The following SERAC1 variants were observed in gnomAD, a reference collection of about 807,000 sequenced individuals.
The protein encoded by SERAC1 is protein SERAC1.
SERAC1 carries 36 observed loss-of-function variants against 85.7 expected under a neutral mutation model. The ratio of observed to expected loss-of-function variants is 0.42; its 90% confidence interval spans 0.32 to 0.55. The LOEUF is 0.55. Ranked by LOEUF, SERAC1 falls within the 20% of genes least tolerant of loss-of-function variation. The pLI is 0.11. For missense variants in SERAC1, 629 were observed against 796.2 expected, an observed-to-expected ratio of 0.79 and a Z score of 2.53; for synonymous variants, 242 against 265.3, an observed-to-expected ratio of 0.91 and a Z score of 0.85.
chr6:158,160,034 T>C (rs1034020223), intron 1 of SERAC1, among the ~76,000 whole-genome samples: 2 of 152,214 alleles, frequency 1.3e-5, no homozygotes, highest in African/African-American at 4.8e-5. Flanking sequence ...GCAGAATATA[T>C]CCATTATACT....
intron 10 of SERAC1, among the ~76,000 whole-genome samples, chr6:158,124,244 A>G (rs1007919762): frequency 4.6e-5 from 7 of 152,210 alleles, no homozygotes; most frequent in Admixed American, 3.3e-4. Context: ...AGATAGGTCA[A>G]TAGAAACCAT....
In SERAC1 at chr6:158,136,847, A is replaced by C. The variant is rs562317043; in HGVS notation, c.738+6209T>G. Among the ~76,000 whole-genome samples the C allele has an allele frequency of 2.0e-5, 3 of 152,348 alleles. No individual in the cohort carries two copies. In the South Asian group the frequency reaches 6.2e-4, roughly 32 times the overall value. On this transcript the variant is annotated intron_variant, in intron 8 of 16. Coordinates refer to ENST00000647468, the MANE Select transcript of SERAC1 (RefSeq NM_032861.4). ...CCAGGAGGCATGATAAACTTGAGGC[A>C]GAGTAGGGGGAATAAGAATAACTAA...
intron 9 of SERAC1, 47 bp from the exon 10 acceptor site, chr6:158,128,317 A>G: frequency 6.3e-7 from 1 of 1,585,466 alleles, no homozygotes; most frequent in Non-Finnish European, 8.6e-7. Flanking sequence ...GTACAAATTC[A>G]TGACGTGAGA....
chr6:158,135,033 T>G (rs1311522581), intron 8 of SERAC1, among the ~76,000 whole-genome samples: 1 of 151,994 alleles, frequency 6.6e-6, no homozygotes, highest in African/African-American at 2.4e-5. Context: ...AAATGCACAC[T>G]CAAATTTAAT....
At chr6:158,136,459 C>T (rs1269107703) in intron 8 of SERAC1, among the ~76,000 whole-genome samples, 1 of 152,166 alleles carries the variant, frequency 6.6e-6, no homozygotes, top group East Asian at 1.9e-4. Context: ...TATGCTGGGG[C>T]TGACAGTCGC....
chr6:158,143,746 T>C (rs572521704), intron 7 of SERAC1, among the ~76,000 whole-genome samples: 1 of 152,274 alleles, frequency 6.6e-6, no homozygotes, highest in South Asian at 2.1e-4. Flanking sequence ...AAGAGTTTCA[T>C]TTTCTAGTCT....
rs1193811319 is a variant in SERAC1, at chr6:158,110,107, T to A, written c.*1259A>T. 6.6e-6 allele frequency: 1 copy of A among 152,188 alleles called. No individual in the cohort carries two copies. Among genetic ancestry groups the A allele is most frequent in the Admixed American group, 6.5e-5 (1 of 15,276 alleles). The allele number at this position is 152,188 out of a possible 1,614,324, so 9.4% of individuals were successfully genotyped here. On this transcript the variant is annotated 3_prime_UTR_variant, in exon 17 of 17. Coordinates refer to ENST00000647468, the MANE Select transcript of SERAC1 (RefSeq NM_032861.4). ...TGAACTATACTAAAAACCAATGAAT[T>A]GAGCCTGGGAACAATGGCTCTGGCC...
At chr6:158,147,041 G>C (rs1418351605) in intron 5 of SERAC1, 128 bp from the exon 6 acceptor site, 1 of 847,772 alleles carries the variant, frequency 1.2e-6, no homozygotes, top group African/African-American at 1.7e-5. Context: ...TATAGGTATT[G>C]ATAAAAACTA....
In SERAC1 at chr6:158,120,809, G is replaced by T. The variant is rs1331682613; in HGVS notation, c.1016-234C>A. On this transcript the variant is annotated intron_variant, in intron 10 of 16. Transcript: ENST00000647468. The surrounding 1 kb of genome is among the most constrained non-coding windows in gnomAD (Gnocchi z 4.4). ...CAAAGAAGGAAAGAGGGGTTGAAGA[G>T]CCATTTTCTTTATTTAGAAAGCCTA... Among the ~76,000 whole-genome samples, 1 of 152,118 alleles carries T rather than the reference G, an allele frequency of 6.6e-6. No homozygotes were observed. Among genetic ancestry groups the T allele is most frequent in the Non-Finnish European group, 1.5e-5 (1 of 68,018 alleles).
At chr6:158,143,454 C>T (rs2128420134) in intron 7 of SERAC1, among the ~76,000 whole-genome samples, 1 of 151,636 alleles carries the variant, frequency 6.6e-6, no homozygotes, top group East Asian at 1.9e-4. Flanking sequence ...GTCTTGAAAA[C>T]AGTCACCCAC....
intron 8 of SERAC1, among the ~76,000 whole-genome samples, chr6:158,141,471 A>G (rs1245891164): frequency 6.6e-6 from 1 of 152,232 alleles, no homozygotes; most frequent in Non-Finnish European, 1.5e-5. Context: ...TGGAAATATC[A>G]CCATAAATTT....
At chr6:158,123,674 G>T (rs956928045) in intron 10 of SERAC1, among the ~76,000 whole-genome samples, 1 of 152,218 alleles carries the variant, frequency 6.6e-6, no homozygotes, top group Admixed American at 6.5e-5. Flanking sequence ...CCACAGAGTA[G>T]TAAGCAGGCA....
At chr6:158,154,678 C>T (rs1422496113) in intron 3 of SERAC1, among the ~76,000 whole-genome samples, 1 of 152,180 alleles carries the variant, frequency 6.6e-6, no homozygotes, top group Non-Finnish European at 1.5e-5. Flanking sequence ...AGATAGGAGA[C>T]GTCCATCTGT....
chr6:158,140,922 G>A (rs1398997899), intron 8 of SERAC1, among the ~76,000 whole-genome samples: 2 of 152,166 alleles, frequency 1.3e-5, no homozygotes, highest in Non-Finnish European at 2.9e-5. Context: ...ATCTTGTACA[G>A]TACAGTTTTT....
chr6:158,111,215 G>A lies in SERAC1; in HGVS notation c.*151C>T, dbSNP rs977303405. Reference sequence around the variant, plus strand: ...GTTGGTGCTTTACAGCGCTTGAAGGGAGAACAATGTTCTGTAGTCTGCAAC... The same window carrying A: ...GTTGGTGCTTTACAGCGCTTGAAGGAAGAACAATGTTCTGTAGTCTGCAAC... On this transcript the variant is annotated 3_prime_UTR_variant, in exon 17 of 17. Transcript: ENST00000647468. 12 of 694,154 alleles carry A rather than the reference G, an allele frequency of 1.7e-5. No homozygotes were observed. The African/African-American group carries it at 2.0e-4, about 12-fold the overall frequency. The allele number at this position is 694,154 out of a possible 1,614,324, so 43.0% of individuals were successfully genotyped here.
chr6:158,154,159 CAAAAAA>C (rs3041474), intron 3 of SERAC1, among the ~76,000 whole-genome samples: 2 of 66,056 alleles, frequency 3.0e-5, no homozygotes, highest in East Asian at 4.1e-4. Context: ...AACTCTGTCT[CAAAAAA>C]AAAAAAAAAA....
intron 1 of SERAC1, among the ~76,000 whole-genome samples, chr6:158,167,327 C>G (rs1375555914): frequency 2.7e-5 from 4 of 149,040 alleles, no homozygotes; most frequent in African/African-American, 9.9e-5. Context: ...CACCTGATGT[C>G]AGGAATTCCA....
chr6:158,116,575 T>C (rs765272897), intron 13 of SERAC1: 4 of 307,718 alleles, frequency 1.3e-5, no homozygotes, highest in Non-Finnish European at 2.5e-5. Flanking sequence ...AATTCTCTAT[T>C]TGTAACTTAT....
intron 6 of SERAC1, chr6:158,145,118 C>T (rs144102444): frequency 6.6e-6 from 1 of 152,342 alleles, no homozygotes; most frequent in East Asian, 1.9e-4. Flanking sequence ...GTGGCAGGCA[C>T]CTGTAACCCC....
Sources: gnomAD v4.1 joint callset for allele counts (sites outside exome capture counted in the v4.1 genomes callset) on GRCh38, gnomAD v4.1.1 for gene constraint, Gnocchi (gnomAD v3.1) non-coding constraint, MANE v1.5 for transcripts, NCBI Gene and HGNC (gene_info 2026-07-23, HGNC 2026-07-21) for gene names.